CAPN7: variants seen among roughly 807,000 people sequenced by gnomAD.
The protein encoded by CAPN7 is calpain-7.
In CAPN7, 72 loss-of-function variants were observed where a neutral mutation model predicts 115.2. That is an observed-to-expected ratio of 0.63 (90% CI 0.52 to 0.76). CAPN7 has a LOEUF of 0.76. CAPN7 is among the 30% of genes least tolerant of loss of function. CAPN7 has a pLI of 0.00. For synonymous variants in CAPN7, 344 were observed against 322.3 expected, an observed-to-expected ratio of 1.07 and a Z score of -0.72; for missense variants, 905 against 971.5, an observed-to-expected ratio of 0.93 and a Z score of 0.91.
chr3:15,225,057 A>G (rs1694233403), intron 6 of CAPN7, among the ~76,000 whole-genome samples: 1 of 152,174 alleles, frequency 6.6e-6, no homozygotes, highest in South Asian at 2.1e-4. Context: ...TTGTCTGTAA[A>G]ATGGGGATAA....
chr3:15,219,900 C>T (rs892239388), intron 4 of CAPN7, among the ~76,000 whole-genome samples: 1 of 152,188 alleles, frequency 6.6e-6, no homozygotes, highest in Non-Finnish European at 1.5e-5. Flanking sequence ...GGGCAACATT[C>T]ATTCTTTTGC....
chr3:15,233,749 C>T, intron 10 of CAPN7, 118 bp from the exon 11 acceptor site: 1 of 651,472 alleles, frequency 1.5e-6, no homozygotes, highest in Non-Finnish European at 2.7e-6. Flanking sequence ...AAAACAACTA[C>T]CTTCTGATTT....
chr3:15,225,413 TATC>T (rs1694255184), intron 6 of CAPN7, among the ~76,000 whole-genome samples: 1 of 152,232 alleles, frequency 6.6e-6, no homozygotes, highest in Non-Finnish European at 1.5e-5. Flanking sequence ...GATGTAAACT[TATC>T]ATTTCTATCT....
chr3:15,223,633 G>C lies in CAPN7; in HGVS notation c.725+72G>C, dbSNP rs113192849. The C allele has an allele frequency of 2.5e-4, 220 of 884,050 alleles. No individual in the cohort carries two copies. The African/African-American group carries it at 3.3e-3, about 13-fold the overall frequency. 54.8% of individuals were successfully genotyped at this position (884,050 alleles called of 1,614,324 possible). Reference sequence around the variant, plus strand: ...CAGTACTCTGAAGTTCAATTTAATAGCCTTGAAATTAAAATTTGTAATAAA... The same window carrying C: ...CAGTACTCTGAAGTTCAATTTAATACCCTTGAAATTAAAATTTGTAATAAA... On this transcript the variant is annotated intron_variant, in intron 6 of 20. Transcript: ENST00000253693.
chr3:15,213,769 T>C (rs2045082177), intron 2 of CAPN7, among the ~76,000 whole-genome samples: 1 of 152,232 alleles, frequency 6.6e-6, no homozygotes, highest in African/African-American at 2.4e-5. Context: ...CATGTGATTT[T>C]TGGGAAATAA....
chr3:15,223,536 C>A lies in CAPN7; in HGVS notation c.700C>A (p.Arg234Ser), dbSNP rs1170621390. 6.2e-7 allele frequency: 1 copy of A among 1,603,506 alleles called. No homozygotes were observed. The highest frequency in any genetic ancestry group is 8.5e-7 in the Non-Finnish European group (1 of 1,174,846). The change falls in exon 6 of 21, where the codon CGT (arginine) becomes AGT (serine). Residue 234 changes from arginine (R) to serine (S), a missense_variant. Arg to Ser is a moderately radical substitution (Grantham distance 110, BLOSUM62 -1). Around this residue, in one of 3 missense-constraint regions of CAPN7, gnomAD observed 620 missense variants for 703.4 expected, o/e 0.88. Coordinates refer to ENST00000253693, the MANE Select transcript of CAPN7 (RefSeq NM_014296.3). ...TTTCATGAATGTTGACCTGAGAGAA[C>A]GTTTTGCCTATCCAATGCCTTTCTG... ...VPFMNVDLRE[R>S]FAYPMPFCDR...
intron 5 of CAPN7, among the ~76,000 whole-genome samples, chr3:15,223,160 T>A (rs1267464796): frequency 6.6e-6 from 1 of 152,240 alleles, no homozygotes; most frequent in Non-Finnish European, 1.5e-5. Context: ...AGCAATTGAT[T>A]TCTCCCTTTA....
chr3:15,247,985 T>G (rs1460418725), intron 19 of CAPN7, among the ~76,000 whole-genome samples: 1 of 148,594 alleles, frequency 6.7e-6, no homozygotes, highest in Non-Finnish European at 1.5e-5. Flanking sequence ...TGAGATCACA[T>G]GGACACAGGA....
chr3:15,225,470 G>A (rs186344046), intron 6 of CAPN7, among the ~76,000 whole-genome samples: 7 of 152,066 alleles, frequency 4.6e-5, no homozygotes, highest in South Asian at 2.1e-4. Flanking sequence ...ATGCTTATAC[G>A]ACACAGTGTC....
intron 6 of CAPN7, among the ~76,000 whole-genome samples, chr3:15,223,798 C>G (rs1694142073): frequency 6.6e-6 from 1 of 152,134 alleles, no homozygotes; most frequent in South Asian, 2.1e-4. Flanking sequence ...AGCACAGTAC[C>G]TGGTGTAAAG....
chr3:15,215,286 C>T (rs909559713), intron 2 of CAPN7, among the ~76,000 whole-genome samples: 5 of 152,186 alleles, frequency 3.3e-5, no homozygotes, highest in Non-Finnish European at 7.4e-5. Context: ...ACCAAAAACA[C>T]GTAACTTTAA....
At chr3:15,230,577 C>T (rs765889992) in intron 9 of CAPN7, 42 bp downstream of exon 9, 35 of 1,125,868 alleles carry the variant, frequency 3.1e-5, no homozygotes, top group Non-Finnish European at 4.3e-5. Context: ...TGTCTCTCTC[C>T]GTTCCCTACC....
In CAPN7 at chr3:15,218,461, C is replaced by T; in HGVS notation, c.370-12C>T. ...TATGCTTTAAAATGTCTGTCTCTTTCTTTCTCTTAAGTCTTATGAAACTGC... is the reference window on the plus strand; with the variant it reads ...TATGCTTTAAAATGTCTGTCTCTTTTTTTCTCTTAAGTCTTATGAAACTGC... On this transcript the variant is annotated splice_polypyrimidine_tract_variant and intron_variant, in intron 3 of 20. Coordinates refer to ENST00000253693, the MANE Select transcript of CAPN7 (RefSeq NM_014296.3). The T allele has an allele frequency of 2.5e-6, 4 of 1,592,436 alleles. No homozygotes were observed. Among genetic ancestry groups the T allele is most frequent in the Non-Finnish European group, 3.4e-6 (4 of 1,166,246 alleles).
Position 15,206,524 on chromosome 3 carries a change from C to G in CAPN7, c.29C>G (p.Ala10Gly). 6.4e-7 allele frequency: 1 copy of G among 1,554,534 alleles called. No individual in the cohort carries two copies. Among genetic ancestry groups the G allele is most frequent in the Non-Finnish European group, 8.7e-7 (1 of 1,149,582 alleles). Reference protein sequence around the residue: MDATALERDAVQFARLAVQR... With the variant: MDATALERDGVQFARLAVQR... Reference sequence around the variant, plus strand: ...GACGCCACAGCACTGGAGCGGGACGCTGTGCAGTTCGCCCGTCTGGCGGTT... The same window carrying G: ...GACGCCACAGCACTGGAGCGGGACGGTGTGCAGTTCGCCCGTCTGGCGGTT... Residue 10 changes from alanine (A) to glycine (G), a missense_variant, in exon 1 of 21, where the codon GCT becomes GGT. This residue lies in a region of CAPN7 where 271 missense variants were observed against 239.6 expected (regional missense o/e 1.13). Transcript: ENST00000253693.
Position 15,206,367 on chromosome 3 carries a change from T to C in CAPN7, c.-129T>C, listed in dbSNP as rs867098682. 2 of 664,382 alleles carry C rather than the reference T, an allele frequency of 3.0e-6. No individual in the cohort carries two copies. Among genetic ancestry groups the C allele is most frequent in the East Asian group, 3.1e-5 (1 of 32,630 alleles). 41.2% of individuals were successfully genotyped at this position (664,382 alleles called of 1,614,324 possible). The stretch of plus-strand genomic sequence containing the variant: ...CGGGAAGGCGAGCTCTCCTCCACCG[T>C]CCAAAGTAAACTTTGCCGCTCCTTC... On this transcript the variant is annotated 5_prime_UTR_variant, in exon 1 of 21. Transcript: ENST00000253693.
At chr3:15,232,369 A>G (rs1694742346) in intron 9 of CAPN7, 150 bp from the exon 10 acceptor site, 1 of 567,038 alleles carries the variant, frequency 1.8e-6, no homozygotes, top group Non-Finnish European at 3.0e-6. Flanking sequence ...ACATTTTGTA[A>G]TTGGTATGAT....
chr3:15,242,843 A>G (rs1695431111), intron 16 of CAPN7, among the ~76,000 whole-genome samples: 1 of 152,234 alleles, frequency 6.6e-6, no homozygotes, highest in African/African-American at 2.4e-5. Context: ...CATTGTGTTG[A>G]AACCACTTTG....
At chr3:15,229,332 G>A (rs965552482) in intron 8 of CAPN7, among the ~76,000 whole-genome samples, 1 of 152,140 alleles carries the variant, frequency 6.6e-6, no homozygotes, top group Non-Finnish European at 1.5e-5. Context: ...AATACTTTAT[G>A]ATTGGACTGT....
chr3:15,206,676 G>A (rs996278238), intron 1 of CAPN7, 79 bp downstream of exon 1: 2 of 1,041,190 alleles, frequency 1.9e-6, no homozygotes, highest in Non-Finnish European at 2.8e-6. Context: ...GGCGGGATCC[G>A]GGTGCGGAGG....
Sources: gnomAD v4.1 joint callset for allele counts (sites outside exome capture counted in the v4.1 genomes callset) on GRCh38, gnomAD v4.1.1 for gene constraint, gnomAD v4.1.1 regional missense constraint, MANE v1.5 for transcripts, NCBI Gene and HGNC (gene_info 2026-07-23, HGNC 2026-07-21) for gene names.